Variants in RMDN1 observed in about 807,000 individuals in gnomAD.
RMDN1 encodes the protein regulator of microtubule dynamics 1.
Under a neutral mutation model 48.9 loss-of-function variants are expected in RMDN1, and 48 were observed. That is an observed-to-expected ratio of 0.98 (90% CI 0.78 to 1.25). The LOEUF is 1.25. RMDN1 is among the 50% of genes most tolerant of loss of function. The probability of loss-of-function intolerance (pLI) is 0.00; values close to 1 mark genes in which losing one functional copy is unlikely to be tolerated. For synonymous variants in RMDN1, 148 were observed against 132.6 expected, an observed-to-expected ratio of 1.12 and a Z score of -0.80; for missense variants, 418 against 373.4, an observed-to-expected ratio of 1.12 and a Z score of -0.98.
chr8:86,509,451 G>A (rs1339435015), upstream of RMDN1, among the ~76,000 whole-genome samples: 1 of 152,152 alleles, frequency 6.6e-6, no homozygotes, highest in South Asian at 2.1e-4. Flanking sequence ...CTTGAGGCCT[G>A]ATCAGGGTGG....
rs1177437094 is a variant in RMDN1, at chr8:86,473,843, G to T, written c.*465C>A. 7.1e-6 allele frequency: 7 copies of T among 987,692 alleles called. No individual in the cohort carries two copies. The African/African-American group carries it at 1.2e-4, about 17-fold the overall frequency. The allele number at this position is 987,692 out of a possible 1,614,324, so 61.2% of individuals were successfully genotyped here. A position where few individuals can be genotyped will look rare whatever the true frequency, so the allele number is the denominator to read the frequency against. On this transcript the variant is annotated 3_prime_UTR_variant, in exon 10 of 10. Transcript: ENST00000406452. ...CTTTACTTACACAGGTTAGCTCCAA[G>T]ATATATCATTTAACTACTTTATGTC...
chr8:86,482,745 G>C (rs4961194), intron 5 of RMDN1: 592,514 of 982,110 alleles, frequency 0.6, 180,692 homozygotes, highest in Admixed American at 0.71. Context: ...AGCAGGTGGC[G>C]CCATAACCTG....
At chr8:86,474,516 C>A in intron 9 of RMDN1, 158 bp from the exon 10 acceptor site, 2 of 694,264 alleles carry the variant, frequency 2.9e-6, no homozygotes, top group Non-Finnish European at 2.5e-6. Context: ...AGACTCTCAG[C>A]TCTTCCACTT....
intron 2 of RMDN1, among the ~76,000 whole-genome samples, chr8:86,489,445 T>C (rs1208659861): frequency 6.6e-6 from 1 of 152,212 alleles, no homozygotes; most frequent in Non-Finnish European, 1.5e-5. Flanking sequence ...AATTTTGTCT[T>C]CTATAAGGGT....
chr8:86,513,854 C>CTT (rs377128309), intron 1 of RMDN1, among the ~76,000 whole-genome samples: 23 of 143,516 alleles, frequency 1.6e-4, no homozygotes, highest in African/African-American at 2.3e-4. Flanking sequence ...GTCTTGGTAA[C>CTT]TTTTTTTTTT....
chr8:86,484,713 C>T lies in RMDN1; in HGVS notation c.585+159G>A, dbSNP rs576749881. 671 of 436,374 alleles carry T rather than the reference C, an allele frequency of 1.5e-3. 2 individuals are homozygous for T. Among genetic ancestry groups the T allele is most frequent in the African/African-American group, 0.014 (614 of 44,440 alleles). The allele number at this position is 436,374 out of a possible 1,614,324, so 27.0% of individuals were successfully genotyped here. Reference sequence around the variant, plus strand: ...AGCCCGGATGACAAGAGCGAAACTCCGTCTCAAAAAAAAAAAAAAAAAGAA... The same window carrying T: ...AGCCCGGATGACAAGAGCGAAACTCTGTCTCAAAAAAAAAAAAAAAAAGAA... On this transcript the variant is annotated intron_variant, in intron 5 of 9. Coordinates refer to ENST00000406452, the MANE Select transcript of RMDN1 (RefSeq NM_016033.3).
chr8:86,508,581 G>A lies in RMDN1; in HGVS notation c.40C>T (p.Arg14Ter), dbSNP rs1367115525. The A allele has an allele frequency of 6.2e-7, 1 of 1,604,098 alleles. No homozygotes were observed. Among genetic ancestry groups the A allele is most frequent in the East Asian group, 2.2e-5 (1 of 44,532 alleles). Residue 14 changes from arginine (R) to a stop codon, truncating the protein, a stop_gained, in exon 1 of 10, where the codon CGA becomes TGA. Coordinates refer to ENST00000406452, the MANE Select transcript of RMDN1 (RefSeq NM_016033.3). LOFTEE classifies it high-confidence loss of function. ...AARLWRLLPF[R>*]RGAAPGSRLP... The stretch of plus-strand genomic sequence containing the variant: ...CGAGACCCCGGGGCGGCTCCACGTC[G>A]GAAAGGCAGAAGGCGCCACAGTCGA...
rs1252608436 is a variant in RMDN1 at position 86,508,407 on chromosome 8, G to T, written c.129+85C>A. On this transcript the variant is annotated intron_variant, in intron 1 of 9. Coordinates refer to ENST00000406452, the MANE Select transcript of RMDN1 (RefSeq NM_016033.3). ...CGGTTCACCACATTCCTTAGGCAGC[G>T]CGGGGCCGCCACCACTTAAGTTAAG... 3.6e-6 allele frequency: 5 copies of T among 1,405,630 alleles called. No individual in the cohort carries two copies. The South Asian group carries it at 5.3e-5, about 15-fold the overall frequency. The allele number at this position is 1,405,630 out of a possible 1,614,324, so 87.1% of individuals were successfully genotyped here. A position where few individuals can be genotyped will look rare whatever the true frequency, so the allele number is the denominator to read the frequency against.
chr8:86,495,028 T>C, intron 2 of RMDN1: 1 of 338,444 alleles, frequency 3.0e-6, no homozygotes. Context: ...AAGACACTTT[T>C]GAAAAACTAG....
chr8:86,481,207 C>A (rs1315901661), intron 5 of RMDN1, among the ~76,000 whole-genome samples: 1 of 152,172 alleles, frequency 6.6e-6, no homozygotes, highest in Non-Finnish European at 1.5e-5. Context: ...TGAAACCAGA[C>A]TGCCAGGATT....
chr8:86,505,788 T>C (rs989047595), intron 2 of RMDN1, among the ~76,000 whole-genome samples: 10 of 152,322 alleles, frequency 6.6e-5, no homozygotes, highest in South Asian at 2.1e-4. Flanking sequence ...GGGAGAAATG[T>C]AGTTCATTAT....
At chr8:86,468,956 A>G (rs188800681), downstream of RMDN1, among the ~76,000 whole-genome samples, 9 of 152,302 alleles carry the variant, frequency 5.9e-5, no homozygotes, top group Admixed American at 3.9e-4. Flanking sequence ...AACACAGTTC[A>G]TGAGGAAACA....
At position 86,473,032 on chromosome 8, in the gene RMDN1, C is replaced by T; in HGVS notation, c.*1276G>A. On this transcript the variant is annotated 3_prime_UTR_variant, in exon 10 of 10. Coordinates refer to ENST00000406452, the MANE Select transcript of RMDN1 (RefSeq NM_016033.3). Reference sequence around the variant, plus strand: ...GCAGGTATTCCAAAATTTGGAAAAACATCCCAAATCCAAGATGCTTCTACT... The same window carrying T: ...GCAGGTATTCCAAAATTTGGAAAAATATCCCAAATCCAAGATGCTTCTACT... 1 of 868,460 alleles carries T rather than the reference C, an allele frequency of 1.2e-6. No homozygotes were observed. Among genetic ancestry groups the T allele is most frequent in the Non-Finnish European group, 1.4e-6 (1 of 723,880 alleles). The allele number at this position is 868,460 out of a possible 1,614,324, so 53.8% of individuals were successfully genotyped here.
At chr8:86,471,237 C>A (rs892153898), downstream of RMDN1, among the ~76,000 whole-genome samples, 1 of 148,836 alleles carries the variant, frequency 6.7e-6, no homozygotes, top group Non-Finnish European at 1.5e-5. Context: ...GGAGGTAAGA[C>A]CTCCATAAAA....
chr8:86,473,017 CA>C lies in RMDN1; in HGVS notation c.*1290del, dbSNP rs1812793226. 3 of 710,134 alleles carry C rather than the reference CA, an allele frequency of 4.2e-6. No homozygotes were observed. Among genetic ancestry groups the C allele is most frequent in the East Asian group, 1.3e-4 (1 of 7,528 alleles). 44.0% of individuals were successfully genotyped at this position (710,134 alleles called of 1,614,324 possible). A position where few individuals can be genotyped will look rare whatever the true frequency, so the allele number is the denominator to read the frequency against. ...TCTTATTGTGTGTATGCAGGTATTC[CA>C]AAATTTGGAAAAACATCCCAAATCC... On this transcript the variant is annotated 3_prime_UTR_variant, in exon 10 of 10. Transcript: ENST00000406452.
intron 5 of RMDN1, among the ~76,000 whole-genome samples, chr8:86,481,576 T>A (rs1814454338): frequency 6.7e-6 from 1 of 148,670 alleles, no homozygotes. Flanking sequence ...TTTTTTTTTT[T>A]TTTTTGCCTT....
downstream of RMDN1, among the ~76,000 whole-genome samples, chr8:86,471,764 T>G (rs1227696047): frequency 1.3e-5 from 2 of 152,178 alleles, no homozygotes; most frequent in Non-Finnish European, 2.9e-5. Context: ...CTAATAGAAC[T>G]AATTTGAGTC....
At chr8:86,503,945 G>C (rs2099453126) in intron 2 of RMDN1, 7 of 752,242 alleles carry the variant, frequency 9.3e-6, no homozygotes, top group Admixed American at 3.5e-5. Context: ...CTGACCCTGG[G>C]CTGCTTGGTT....
chr8:86,506,711 C>T (rs1421761495), intron 2 of RMDN1, among the ~76,000 whole-genome samples: 1 of 152,124 alleles, frequency 6.6e-6, no homozygotes, highest in East Asian at 1.9e-4. Context: ...ACTGTTTCCT[C>T]TGGTCACGGA....
Sources: gnomAD v4.1 joint callset for allele counts (sites outside exome capture counted in the v4.1 genomes callset) on GRCh38, gnomAD v4.1.1 for gene constraint, MANE v1.5 for transcripts, NCBI Gene and HGNC (gene_info 2026-07-23, HGNC 2026-07-21) for gene names.